ITSN2: variants seen among roughly 807,000 people sequenced by gnomAD.
ITSN2 encodes the protein intersectin 2.
A neutral mutation model predicts 243.7 loss-of-function variants in ITSN2; 156 were observed. The ratio of observed to expected loss-of-function variants is 0.64; its 90% CI spans 0.56 to 0.73. ITSN2 has a LOEUF of 0.73. Ranked by LOEUF, ITSN2 falls within the 30% of genes least tolerant of loss-of-function variation. The pLI is 0.00. For synonymous variants in ITSN2, 703 were observed against 699.9 expected (o/e 1.00, Z -0.07); for missense variants, 1,801 against 1,996.1 (o/e 0.90, Z 1.86).
chr2:24,264,670 G>A lies in ITSN2; in HGVS notation c.2356-2928C>T, dbSNP rs1676383127. On this transcript the variant is annotated intron_variant, in intron 20 of 39. Coordinates refer to ENST00000355123, the MANE Select transcript of ITSN2 (RefSeq NM_006277.3). The stretch of plus-strand genomic sequence containing the variant: ...GTTCTTTTTCCACTGAGTTGCTTTT[G>A]CACCTCTGTCGAAAATCTGTTGTTT... Among the ~76,000 whole-genome samples, 2 of 478 alleles carry A rather than the reference G, an allele frequency of 4.2e-3. 1 individual carries two copies. Among genetic ancestry groups the A allele is most frequent in the Non-Finnish European group, 0.016 (2 of 128 alleles). The allele number at this position is 478 out of a possible 152,430, so 0.3% of individuals were successfully genotyped here.
At chr2:24,278,486 C>A (rs1462344736) in intron 17 of ITSN2, among the ~76,000 whole-genome samples, 1 of 152,094 alleles carries the variant, frequency 6.6e-6, no homozygotes, top group Non-Finnish European at 1.5e-5. Flanking sequence ...ACAAAGCTTG[C>A]CAAGTATTTC....
At chr2:24,288,387 G>A (rs910051670) in intron 15 of ITSN2, among the ~76,000 whole-genome samples, 2 of 151,894 alleles carry the variant, frequency 1.3e-5, no homozygotes, top group African/African-American at 4.8e-5. Context: ...TCTTGTAATT[G>A]ACAAAAAATT....
At chr2:24,216,313 G>T in intron 31 of ITSN2, 81 bp from the exon 32 acceptor site, 1 of 1,148,318 alleles carries the variant, frequency 8.7e-7, no homozygotes, top group Non-Finnish European at 1.2e-6. Flanking sequence ...GCAGACCAAT[G>T]GTAATGATAA....
At chr2:24,246,683 G>C in intron 28 of ITSN2, 114 bp downstream of exon 28, 1 of 691,014 alleles carries the variant, frequency 1.4e-6, no homozygotes, top group Non-Finnish European at 2.4e-6. Context: ...CTTTTAAGCA[G>C]ACATAAGGAA....
At position 24,272,090 on chromosome 2, in the gene ITSN2, G is replaced by A. The variant is rs556799806; in HGVS notation, c.2082-149C>T. ...GGGAGAAACTGCTGAGATCAGAGGT[G>A]AAAGGAAAACAAATCAATCAATCAA... On this transcript the variant is annotated intron_variant, in intron 18 of 39. Coordinates refer to ENST00000355123, the MANE Select transcript of ITSN2 (RefSeq NM_006277.3). 2.2e-5 allele frequency: 13 copies of A among 603,420 alleles called. No individual in the cohort carries two copies. In the East Asian group the frequency reaches 3.7e-4, roughly 17 times the overall value. The allele number at this position is 603,420 out of a possible 1,614,324, so 37.4% of individuals were successfully genotyped here. A position where few individuals can be genotyped will look rare whatever the true frequency, so the allele number is the denominator to read the frequency against.
chr2:24,232,875 A>G (rs190802293), intron 29 of ITSN2, among the ~76,000 whole-genome samples: 1 of 152,364 alleles, frequency 6.6e-6, no homozygotes, highest in African/African-American at 2.4e-5. Context: ...ACCAGGTCCT[A>G]TGCTTGGTGA....
chr2:24,330,373 G>T, intron 1 of ITSN2: 1 of 546,376 alleles, frequency 1.8e-6, no homozygotes, highest in Non-Finnish European at 3.5e-6. Context: ...TGTGCCAAGT[G>T]CTTACCTCCT....
intron 25 of ITSN2, 30 bp downstream of exon 25, chr2:24,252,315 C>T: frequency 1.3e-6 from 2 of 1,501,020 alleles, no homozygotes; most frequent in South Asian, 1.2e-5. Flanking sequence ...CCTGATTAAC[C>T]AGAATGGGTT....
At chr2:24,318,008 A>T (rs964239262) in intron 2 of ITSN2, among the ~76,000 whole-genome samples, 1 of 152,172 alleles carries the variant, frequency 6.6e-6, no homozygotes, top group African/African-American at 2.4e-5. Flanking sequence ...AGAAGGTACA[A>T]ACATTTCTCC....
At chr2:24,283,288 G>A (rs1391862032) in intron 17 of ITSN2, among the ~76,000 whole-genome samples, 1 of 151,580 alleles carries the variant, frequency 6.6e-6, no homozygotes, top group Non-Finnish European at 1.5e-5. Context: ...GCAATGGTGC[G>A]ACCTCGGCTC....
intron 32 of ITSN2, among the ~76,000 whole-genome samples, chr2:24,214,683 T>C (rs1165665040): frequency 7.2e-5 from 11 of 152,188 alleles, no homozygotes; most frequent in Non-Finnish European, 1.5e-4. Flanking sequence ...TTATTACCTC[T>C]CTTCAATATA....
At chr2:24,284,501 G>T (rs1679215589) in intron 17 of ITSN2, among the ~76,000 whole-genome samples, 1 of 152,174 alleles carries the variant, frequency 6.6e-6, no homozygotes, top group East Asian at 1.9e-4. Flanking sequence ...ATGTTGTAAA[G>T]GAACCAGGTT....
intron 1 of ITSN2, among the ~76,000 whole-genome samples, chr2:24,344,821 G>A (rs1020714823): frequency 3.3e-5 from 5 of 152,026 alleles, no homozygotes; most frequent in Admixed American, 1.3e-4. Flanking sequence ...GCGTGGTGGC[G>A]GGCACCTGTA....
intron 29 of ITSN2, among the ~76,000 whole-genome samples, chr2:24,244,383 G>A (rs1242001976): frequency 1.3e-5 from 2 of 152,136 alleles, no homozygotes; most frequent in African/African-American, 4.8e-5. Context: ...TGGGGCCATG[G>A]TCCTGTCCTT....
intron 19 of ITSN2, 94 bp downstream of exon 19, chr2:24,271,672 A>T (rs1677362297): frequency 7.1e-7 from 1 of 1,401,064 alleles, no homozygotes; most frequent in East Asian, 2.5e-5. Flanking sequence ...TACAATTAGT[A>T]TCTTTCTAAT....
intron 14 of ITSN2, among the ~76,000 whole-genome samples, chr2:24,295,369 C>T (rs1003632300): frequency 5.9e-5 from 9 of 152,168 alleles, no homozygotes; most frequent in Non-Finnish European, 1.0e-4. Context: ...TACAGTGGTG[C>T]GATCTGGGTT....
intron 20 of ITSN2, among the ~76,000 whole-genome samples, chr2:24,268,430 A>C (rs753144882): frequency 1.2e-4 from 19 of 152,176 alleles, no homozygotes; most frequent in Non-Finnish European, 2.4e-4. Context: ...CCAGGGCTCC[A>C]GATTCCAGCC....
rs370332622 is a variant in ITSN2 at position 24,216,087 on chromosome 2, T to G, written c.3952A>C (p.Lys1318Gln). 1.3e-5 allele frequency: 21 copies of G among 1,609,216 alleles called. No homozygotes were observed. The highest frequency in any genetic ancestry group is 1.7e-5 in the Non-Finnish European group (20 of 1,177,834). Residue 1318 changes from lysine to glutamine, a missense_variant, in exon 32 of 40, where the codon AAG becomes CAG. Transcript: ENST00000355123. ...QLNGAALLQQ[K>Q]TDEDTDFKEF... ...TTGAAATCTGTGTCTTCATCTGTCT[T>G]CTGCTGTAACAGAGCTGCTCCATTA...
intron 1 of ITSN2, among the ~76,000 whole-genome samples, chr2:24,356,568 C>G (rs1314046521): frequency 6.6e-6 from 1 of 151,460 alleles, no homozygotes; most frequent in Non-Finnish European, 1.5e-5. Flanking sequence ...TTGAGGCCAA[C>G]AAACATGAAA....
Sources: gnomAD v4.1 joint callset for allele counts (sites outside exome capture counted in the v4.1 genomes callset) on GRCh38, gnomAD v4.1.1 for gene constraint, MANE v1.5 for transcripts, NCBI Gene and HGNC (gene_info 2026-07-23, HGNC 2026-07-21) for gene names.